Variants in NDEL1 observed in about 807,000 individuals in gnomAD.
NDEL1 encodes the protein nudE neurodevelopment protein 1 like 1, also known as nuclear distribution protein nudE-like 1.
A neutral mutation model predicts 45.7 loss-of-function variants in NDEL1; 9 were observed. The ratio of observed to expected loss-of-function variants is 0.20; its 90% CI spans 0.12 to 0.34. The LOEUF (loss-of-function observed/expected upper bound fraction) is 0.34. Ranked by LOEUF, NDEL1 falls within the 10% of genes least tolerant of loss-of-function variation. NDEL1 has a pLI of 1.00. For missense variants in NDEL1, 306 were observed against 406.2 expected (o/e 0.75, Z 2.12); for synonymous variants, 133 against 158.6 (o/e 0.84, Z 1.21).
At chr17:8,471,556 G>T (rs564947172), downstream of NDEL1, among the ~76,000 whole-genome samples, 1 of 152,196 alleles carries the variant, frequency 6.6e-6, no homozygotes, top group Non-Finnish European at 1.5e-5. Context: ...GTTACCTCTC[G>T]AATAAGGCTT....
At chr17:8,453,147 C>T (rs977050227) in intron 6 of NDEL1, among the ~76,000 whole-genome samples, 4 of 152,108 alleles carry the variant, frequency 2.6e-5, no homozygotes, top group African/African-American at 9.7e-5. Flanking sequence ...TCTAGAAATC[C>T]CTGCCAAGAA....
chr17:8,460,198 A>T (rs368032119), intron 8 of NDEL1, 38 bp downstream of exon 8: 32 of 1,592,674 alleles, frequency 2.0e-5, no homozygotes, highest in Non-Finnish European at 2.5e-5. Flanking sequence ...TTTTTTGAGT[A>T]GTAAAGTGAC....
At chr17:8,444,385 G>A in intron 2 of NDEL1, 28 bp downstream of exon 2, 1 of 1,489,708 alleles carries the variant, frequency 6.7e-7, no homozygotes, top group Non-Finnish European at 9.3e-7. Flanking sequence ...ACTAAAAGTA[G>A]GGGAGGGCAT....
At chr17:8,456,087 C>T (rs1189817239) in intron 7 of NDEL1, among the ~76,000 whole-genome samples, 10 of 152,166 alleles carry the variant, frequency 6.6e-5, no homozygotes, top group Admixed American at 3.9e-4. Context: ...CACTTATTTT[C>T]GTGTGTGACA....
At chr17:8,413,870 A>G (rs1567717462) in intron 1 of NDEL1, among the ~76,000 whole-genome samples, 1 of 152,184 alleles carries the variant, frequency 6.6e-6, no homozygotes, top group Non-Finnish European at 1.5e-5. Flanking sequence ...GGTTACTTTT[A>G]TTTCATTTTG....
In NDEL1 at chr17:8,460,083, G is replaced by A. The variant is rs1390596752; in HGVS notation, c.867G>A (p.Gly289=). 6.2e-7 allele frequency: 1 copy of A among 1,614,154 alleles called. No homozygotes were observed. Among genetic ancestry groups the A allele is most frequent in the South Asian group, 1.1e-5 (1 of 91,086 alleles). The change falls in exon 8 of 9, where the codon GGG becomes GGA. Residue 289 remains glycine, a synonymous_variant. Coordinates refer to ENST00000334527, the MANE Select transcript of NDEL1 (RefSeq NM_030808.5). ...DQASRKSYIS[G]NVNCGVLNGN... ...CATCACGAAAATCCTATATTTCAGG[G>A]AATGTTAACTGTGGGGTGCTGAATG...
At chr17:8,466,671 C>G (rs2151745010) in intron 8 of NDEL1, 1 of 498,316 alleles carries the variant, frequency 2.0e-6, no homozygotes, top group East Asian at 3.5e-5. Context: ...GGGAAAGAAT[C>G]AGGACTGTGG....
intron 4 of NDEL1, among the ~76,000 whole-genome samples, chr17:8,447,325 T>A (rs541107188): frequency 2.0e-5 from 3 of 152,226 alleles, no homozygotes; most frequent in Admixed American, 6.5e-5. Context: ...GTATTTTTAG[T>A]AGAGACGGGG....
At chr17:8,415,800 T>A (rs1018329202) in intron 1 of NDEL1, among the ~76,000 whole-genome samples, 1 of 151,920 alleles carries the variant, frequency 6.6e-6, no homozygotes, top group Non-Finnish European at 1.5e-5. Flanking sequence ...CAGGCTGGAG[T>A]GTGATGGCGC....
chr17:8,459,982 C>A, intron 7 of NDEL1, 27 bp from the exon 8 acceptor site: 1 of 1,592,990 alleles, frequency 6.3e-7, no homozygotes, highest in South Asian at 1.1e-5. Flanking sequence ...TTTTGACAAC[C>A]ATATCATTCC....
At chr17:8,437,878 G>C (rs1269904805) in intron 1 of NDEL1, among the ~76,000 whole-genome samples, 1 of 136,422 alleles carries the variant, frequency 7.3e-6, no homozygotes, top group Non-Finnish European at 1.6e-5. Context: ...AATGCTTTAC[G>C]TAAAAATTGT....
At chr17:8,457,564 C>T (rs574995314) in intron 7 of NDEL1, among the ~76,000 whole-genome samples, 6 of 152,364 alleles carry the variant, frequency 3.9e-5, no homozygotes, top group African/African-American at 7.2e-5. Flanking sequence ...CCTCTTTACA[C>T]GACTTTGTCC....
chr17:8,474,287 G>A (rs1244743283), intron 3 of NDEL1: 1 of 152,576 alleles, frequency 6.6e-6, no homozygotes. Flanking sequence ...AACAGAGCAG[G>A]CGCAAATATC....
chr17:8,426,866 G>A (rs1411802375), intron 1 of NDEL1, among the ~76,000 whole-genome samples: 1 of 152,176 alleles, frequency 6.6e-6, no homozygotes, highest in African/African-American at 2.4e-5. Flanking sequence ...TTTCTTTCCA[G>A]GTACCATCAC....
rs557052373 is a variant in NDEL1 at position 8,467,197 on chromosome 17, T to C, written c.*174T>C. On this transcript the variant is annotated 3_prime_UTR_variant, in exon 9 of 9. Transcript: ENST00000334527. The surrounding 1 kb of genome is among the most constrained non-coding windows in gnomAD (Gnocchi z 6.3). ...TGGGCCCTGCCCAGCCCCGGAACTC[T>C]GCGCGATATCAATACTGGCTATTTT... is the stretch of plus-strand genomic sequence containing the variant. The C allele has an allele frequency of 3.2e-6, 2 of 633,888 alleles. No homozygotes were observed. The highest frequency in any genetic ancestry group is 2.7e-5 in the East Asian group (1 of 36,656). The allele number at this position is 633,888 out of a possible 1,614,324, so 39.3% of individuals were successfully genotyped here.
At chr17:8,459,700 A>G (rs1308221882) in intron 7 of NDEL1, among the ~76,000 whole-genome samples, 4 of 152,214 alleles carry the variant, frequency 2.6e-5, no homozygotes, top group Non-Finnish European at 5.9e-5. Context: ...AGCAATGGAT[A>G]GGGTCAAGAG....
chr17:8,428,323 G>GTGGTGTGT (rs1478014217), intron 1 of NDEL1, among the ~76,000 whole-genome samples: 1 of 62,044 alleles, frequency 1.6e-5, no homozygotes, highest in Non-Finnish European at 3.2e-5. Flanking sequence ...AAGTGTGTGT[G>GTGGTGTGT]GTGTGTGTGT....
chr17:8,463,372 C>G lies in NDEL1; in HGVS notation c.944+3212C>G, dbSNP rs1911353093. 1.9e-6 allele frequency: 3 copies of G among 1,610,852 alleles called. No individual in the cohort carries two copies. In the African/African-American group the frequency reaches 4.0e-5, roughly 22 times the overall value. Reference sequence around the variant, plus strand: ...GTTCATGGGTAACTGAATTTGTTTGCTGTGCTCTTTTTCATTCTTTCTTAA... The same window carrying G: ...GTTCATGGGTAACTGAATTTGTTTGGTGTGCTCTTTTTCATTCTTTCTTAA... On this transcript the variant is annotated intron_variant, in intron 8 of 8. Transcript: ENST00000334527.
intron 8 of NDEL1, chr17:8,461,374 A>T (rs375750988): frequency 6.6e-6 from 1 of 152,226 alleles, no homozygotes; most frequent in Admixed American, 6.5e-5. Context: ...ACATCACTAT[A>T]CAAATTAGAA....
Sources: gnomAD v4.1 joint callset for allele counts (sites outside exome capture counted in the v4.1 genomes callset) on GRCh38, gnomAD v4.1.1 for gene constraint, Gnocchi (gnomAD v3.1) non-coding constraint, MANE v1.5 for transcripts, NCBI Gene and HGNC (gene_info 2026-07-23, HGNC 2026-07-21) for gene names.